CYP7A1: variants seen among roughly 807,000 people sequenced by gnomAD.
CYP7A1 encodes the protein cytochrome P450 family 7 subfamily A member 1, also known as cytochrome P450 7A1.
A neutral mutation model predicts 43.8 loss-of-function variants in CYP7A1; 28 were observed. That is an observed-to-expected ratio of 0.64 (90% CI 0.47 to 0.88). The LOEUF (loss-of-function observed/expected upper bound fraction) is 0.88, where lower values mean the gene tolerates loss of function less well. Ranked by LOEUF, CYP7A1 falls within the 40% of genes least tolerant of loss-of-function variation. CYP7A1 has a pLI of 0.00. For synonymous variants in CYP7A1, 227 were observed against 222.5 expected (o/e 1.02, Z -0.18); for missense variants, 637 against 611.9 (o/e 1.04, Z -0.43).
chr8:58,499,720 A>T (rs1809501453), intron 1 of CYP7A1, among the ~76,000 whole-genome samples: 1 of 152,182 alleles, frequency 6.6e-6, no homozygotes, highest in Non-Finnish European at 1.5e-5. Flanking sequence ...CTTTAGATAC[A>T]CATATAAATG....
Position 58,496,187 on chromosome 8 carries a change from G to A in CYP7A1, c.908+417C>T, listed in dbSNP as rs553018894. Among the ~76,000 whole-genome samples the A allele has an allele frequency of 6.6e-5, 10 of 152,284 alleles. No homozygotes were observed. The East Asian group carries it at 7.7e-4, about 12-fold the overall frequency. On this transcript the variant is annotated intron_variant, in intron 3 of 5. Transcript: ENST00000301645. ...AACAAATAAGTAAGGCATAGTCACC[G>A]CCCTGATTGTTGTCCATAAATCAGT...
chr8:58,495,215 T>TTCTATTTATTTATTTA (rs369276545), intron 3 of CYP7A1, among the ~76,000 whole-genome samples: 4,616 of 143,430 alleles, frequency 0.032, 118 homozygotes, highest in South Asian at 0.036. Flanking sequence ...TTTATTTTAT[T>TTCTATTTATTTATTTA]TTTATTTATT....
At position 58,494,515 on chromosome 8, in the gene CYP7A1, G is replaced by T. The variant is rs765352511; in HGVS notation, c.1030C>A (p.Pro344Thr). ...CLSQAELNDL[P>T]VLDSIIKESL... is the part of the protein sequence containing the mutation. ...TAACAAGTATACCCACCTAATACTG[G>T]CAGGTCATTCAGTTCTGCTTGACTC... is the stretch of plus-strand genomic sequence containing the variant. The change falls in exon 4 of 6, where the codon CCA becomes ACA. Residue 344 changes from proline to threonine, a missense_variant. By Grantham distance (38) the Pro-to-Thr change is conservative. Transcript: ENST00000301645. 1 of 1,613,966 alleles carries T rather than the reference G, an allele frequency of 6.2e-7. No homozygotes were observed. The highest frequency in any genetic ancestry group is 8.5e-7 in the Non-Finnish European group (1 of 1,179,926).
Position 58,498,422 on chromosome 8 carries a change from C to G in CYP7A1, c.128G>C (p.Gly43Ala). Residue 43 changes from glycine to alanine, a missense_variant, in exon 2 of 6, where the codon GGC becomes GCC. By Grantham distance (60) the Gly-to-Ala change is moderately conservative (BLOSUM62 0). Coordinates refer to ENST00000301645, the MANE Select transcript of CYP7A1 (RefSeq NM_000780.4). ...ATTGGCACCAAATTGCAGAGCACAG[C>G]CCAGGTATGGAATTAATCCATTCTC... ...PLENGLIPYL[G>A]CALQFGANPL... 1 of 1,614,082 alleles carries G rather than the reference C, an allele frequency of 6.2e-7. No individual in the cohort carries two copies. The highest frequency in any genetic ancestry group is 8.5e-7 in the Non-Finnish European group (1 of 1,179,978).
At position 58,491,341 on chromosome 8, in the gene CYP7A1, G is replaced by C. The variant is rs530421749; in HGVS notation, c.*134C>G. 120 of 821,452 alleles carry C rather than the reference G, an allele frequency of 1.5e-4. 2 individuals carry two copies. In the South Asian group the frequency reaches 1.8e-3, roughly 12 times the overall value. 50.9% of individuals were successfully genotyped at this position (821,452 alleles called of 1,614,324 possible). ...CCAAAATGTTAAGATTCACAAGCAA[G>C]CACTGGTGAACAACATTGGACCTGG... On this transcript the variant is annotated 3_prime_UTR_variant, in exon 6 of 6. Transcript: ENST00000301645.
In CYP7A1 at chr8:58,498,390, C is replaced by G. The variant is rs747673005; in HGVS notation, c.160G>C (p.Glu54Gln). 4.3e-6 allele frequency: 7 copies of G among 1,613,952 alleles called. No individual in the cohort carries two copies. The African/African-American group carries it at 9.3e-5, about 22-fold the overall frequency. ...CALQFGANPL[E>Q]FLRANQRKHG... ...TTCCTTTGATTTGCTCTGAGGAACT[C>G]AAGAGGATTGGCACCAAATTGCAGA... The change falls in exon 2 of 6, where the codon GAG becomes CAG. Residue 54 changes from glutamate to glutamine, a missense_variant. Transcript: ENST00000301645.
chr8:58,493,051 G>A (rs1809377023), intron 4 of CYP7A1, among the ~76,000 whole-genome samples: 1 of 152,210 alleles, frequency 6.6e-6, no homozygotes, highest in Admixed American at 6.5e-5. Context: ...GATTACAGGT[G>A]TGAGTCACCG....
In CYP7A1 at chr8:58,496,953, TA is replaced by T; in HGVS notation, c.558del (p.Ile187SerfsTer17). ...YRVMFEAGYLTIFGRDLTRRD... is the reference protein window; with the variant it reads ...YRVMFEAGYLXIFGRDLTRRD... ...CGCCTTGTAAGATCTCTGCCAAAGA[TA>T]GTTAAATACCCAGCTTCAAACATCA... On this transcript the variant is annotated frameshift_variant, in exon 3 of 6. Transcript: ENST00000301645. LOFTEE classifies it high-confidence loss of function. The T allele has an allele frequency of 6.2e-7, 1 of 1,614,160 alleles. No homozygotes were observed. The highest frequency in any genetic ancestry group is 8.5e-7 in the Non-Finnish European group (1 of 1,179,990).
Position 58,493,614 on chromosome 8 carries a change from A to T in CYP7A1, c.1039+892T>A, listed in dbSNP as rs193147833. 1.4e-3 allele frequency among the ~76,000 whole-genome samples: 218 copies of T among 152,352 alleles called. 1 individual carries two copies. Among genetic ancestry groups the T allele is most frequent in the Non-Finnish European group, 2.4e-3 (164 of 68,036 alleles). On this transcript the variant is annotated intron_variant, in intron 4 of 5. Coordinates refer to ENST00000301645, the MANE Select transcript of CYP7A1 (RefSeq NM_000780.4). ...CCCCCAAAAGAGTACTGACATGTCC[A>T]AAGTCTCCCAAGTCAGCCCCAGCAT...
In CYP7A1 at chr8:58,491,395, T is replaced by A. The variant is rs1809348015; in HGVS notation, c.*80A>T. On this transcript the variant is annotated 3_prime_UTR_variant, in exon 6 of 6. Transcript: ENST00000301645. ...ATCATTTCTACCACCACTAAATGCATTTGTCCAAAGGGACTGTGTGGTGAG... is the reference window on the plus strand; with the variant it reads ...ATCATTTCTACCACCACTAAATGCAATTGTCCAAAGGGACTGTGTGGTGAG... 3.1e-6 allele frequency: 4 copies of A among 1,308,770 alleles called. No homozygotes were observed. The highest frequency in any genetic ancestry group is 3.3e-6 in the Non-Finnish European group (3 of 919,638). 81.1% of individuals were successfully genotyped at this position (1,308,770 alleles called of 1,614,324 possible).
chr8:58,498,106 C>G, intron 2 of CYP7A1, 123 bp downstream of exon 2: 1 of 1,082,832 alleles, frequency 9.2e-7, no homozygotes, highest in East Asian at 2.4e-5. Flanking sequence ...AGAATCTCCA[C>G]ATAAGGATAA....
At chr8:58,492,793 C>T (rs964490923) in intron 4 of CYP7A1, among the ~76,000 whole-genome samples, 4 of 152,146 alleles carry the variant, frequency 2.6e-5, no homozygotes, top group Non-Finnish European at 5.9e-5. Flanking sequence ...TAGCCAGGGT[C>T]TCATTCTGTT....
chr8:58,493,806 T>C (rs539623793), intron 4 of CYP7A1, among the ~76,000 whole-genome samples: 71 of 151,990 alleles, frequency 4.7e-4, no homozygotes, highest in African/African-American at 1.5e-3. Context: ...TCGAGACCAG[T>C]CTGGACAACA....
At chr8:58,494,123 G>T (rs1388376933) in intron 4 of CYP7A1, among the ~76,000 whole-genome samples, 4 of 152,166 alleles carry the variant, frequency 2.6e-5, no homozygotes, top group African/African-American at 7.2e-5. Context: ...AGGTAACTGT[G>T]GTTTCTTAAT....
At chr8:58,495,239 A>AT (rs1809421166) in intron 3 of CYP7A1, among the ~76,000 whole-genome samples, 4 of 149,970 alleles carry the variant, frequency 2.7e-5, no homozygotes, top group Admixed American at 2.0e-4. Context: ...TTATTTATTT[A>AT]TTTTGAGACG....
chr8:58,492,477 C>T lies in CYP7A1; in HGVS notation c.1091G>A (p.Arg364Gln), dbSNP rs539485428. The T allele has an allele frequency of 5.9e-5, 96 of 1,613,826 alleles. No individual in the cohort carries two copies. The highest frequency in any genetic ancestry group is 5.8e-4 in the South Asian group (53 of 91,074). ...CAAAGTGAAATCCTCCTTAGCTGTC[C>T]GGATGTTGAGGGAGGCACTGGAAAG... ...LRLSSASLNIRTAKEDFTLHL... is the reference protein window; with the variant it reads ...LRLSSASLNIQTAKEDFTLHL... Residue 364 changes from arginine (R) to glutamine (Q), a missense_variant, in exon 5 of 6, where the codon CGG becomes CAG. Transcript: ENST00000301645.
Position 58,491,413 on chromosome 8 carries a change from G to T in CYP7A1, c.*62C>A. 7.0e-7 allele frequency: 1 copy of T among 1,433,688 alleles called. No individual in the cohort carries two copies. Among genetic ancestry groups the T allele is most frequent in the Non-Finnish European group, 9.8e-7 (1 of 1,023,890 alleles). The allele number at this position is 1,433,688 out of a possible 1,614,324, so 88.8% of individuals were successfully genotyped here. A position where few individuals can be genotyped will look rare whatever the true frequency, so the allele number is the denominator to read the frequency against. ...AAATGCATTTGTCCAAAGGGACTGTGTGGTGAGGGTGTTCTGCAGTCCTGT... is the reference window on the plus strand; with the variant it reads ...AAATGCATTTGTCCAAAGGGACTGTTTGGTGAGGGTGTTCTGCAGTCCTGT... On this transcript the variant is annotated 3_prime_UTR_variant, in exon 6 of 6. Coordinates refer to ENST00000301645, the MANE Select transcript of CYP7A1 (RefSeq NM_000780.4).
intron 3 of CYP7A1, among the ~76,000 whole-genome samples, chr8:58,495,360 G>A (rs191340181): frequency 1.3e-4 from 19 of 151,758 alleles, no homozygotes; most frequent in Admixed American, 9.8e-4. Context: ...CGAGTAGCTG[G>A]GACTACAGGC....
intron 1 of CYP7A1, among the ~76,000 whole-genome samples, chr8:58,499,579 A>T (rs1406358275): frequency 2.0e-5 from 3 of 152,214 alleles, no homozygotes; most frequent in Non-Finnish European, 4.4e-5. Flanking sequence ...AGTCTATGCG[A>T]TGCACAAGAA....
Sources: allele counts gnomAD v4.1 joint callset (sites outside exome capture counted in the v4.1 genomes callset), GRCh38; gene constraint gnomAD v4.1.1; transcripts MANE v1.5; gene names NCBI Gene and HGNC (gene_info 2026-07-23, HGNC 2026-07-21).